The following PLD5 variants were observed in gnomAD, a reference collection of about 807,000 sequenced individuals.
PLD5 encodes inactive phospholipase D5.
PLD5 carries 36 observed loss-of-function variants against 61.1 expected under a neutral mutation model. The observed-to-expected ratio is 0.59, with a 90% CI of 0.45 to 0.78. PLD5 has a LOEUF of 0.78. PLD5 is among the 30% of genes least tolerant of loss of function. PLD5 has a pLI of 0.00. For synonymous variants in PLD5, 243 were observed against 242.8 expected (o/e 1.00, Z -0.01); for missense variants, 515 against 644.4 (o/e 0.80, Z 2.17).
chr1:242,143,035 T>C (rs1244428381), intron 5 of PLD5, among the ~76,000 whole-genome samples: 1 of 149,166 alleles, frequency 6.7e-6, no homozygotes, highest in Non-Finnish European at 1.5e-5. Flanking sequence ...TTTTTTTCTC[T>C]CTCTCTTTTT....
chr1:242,291,843 G>C (rs559751014), intron 2 of PLD5, among the ~76,000 whole-genome samples: 1 of 152,042 alleles, frequency 6.6e-6, no homozygotes, highest in South Asian at 2.1e-4. Context: ...ACCTGACAAA[G>C]AACAGGGGAA....
At chr1:242,215,043 A>ATTTTTTTT (rs34759131) in intron 5 of PLD5, among the ~76,000 whole-genome samples, 1 of 120,614 alleles carries the variant, frequency 8.3e-6, no homozygotes. Context: ...TGCCTGGCCA[A>ATTTTTTTT]TTTTTTTTTT....
intron 1 of PLD5, among the ~76,000 whole-genome samples, chr1:242,409,590 A>G (rs1664429733): frequency 6.6e-6 from 1 of 152,174 alleles, no homozygotes; most frequent in East Asian, 1.9e-4. Context: ...GCAAGAAAGA[A>G]GGAAGAAGCT....
chr1:242,124,839 A>G (rs1435302871), intron 5 of PLD5, among the ~76,000 whole-genome samples, 174 bp from the exon 6 acceptor site: 1 of 152,244 alleles, frequency 6.6e-6, no homozygotes, highest in African/African-American at 2.4e-5. Context: ...AAAATGCTAA[A>G]TATTTAAGTA....
At chr1:242,107,575 A>G in intron 8 of PLD5, 96 bp downstream of exon 8, 1 of 1,196,946 alleles carries the variant, frequency 8.4e-7, no homozygotes, top group Non-Finnish European at 1.1e-6. Context: ...CCTGGTTCTT[A>G]CTGGAACTTT....
intron 1 of PLD5, among the ~76,000 whole-genome samples, chr1:242,454,958 G>A (rs1666901466): frequency 6.6e-6 from 1 of 152,124 alleles, no homozygotes; most frequent in Non-Finnish European, 1.5e-5. Context: ...TTTTACCACA[G>A]GAGGGAGCCC....
intron 3 of PLD5, 93 bp from the exon 4 acceptor site, chr1:242,265,541 T>C: frequency 9.1e-7 from 1 of 1,095,116 alleles, no homozygotes; most frequent in South Asian, 1.7e-5. Context: ...ATTAATCTAT[T>C]CGTTCAAATG....
chr1:242,223,850 A>G (rs1670760985), intron 4 of PLD5, among the ~76,000 whole-genome samples: 1 of 103,878 alleles, frequency 9.6e-6, no homozygotes, highest in Non-Finnish European at 1.8e-5. Flanking sequence ...ATATATATAA[A>G]TAGAGAGAGA....
chr1:242,128,012 C>T (rs1662931280), intron 5 of PLD5, among the ~76,000 whole-genome samples: 1 of 152,142 alleles, frequency 6.6e-6, no homozygotes, highest in African/African-American at 2.4e-5. Context: ...GTCATTTGCT[C>T]ACACGTGGCA....
chr1:242,397,591 A>T (rs1403652676), intron 1 of PLD5, among the ~76,000 whole-genome samples: 1 of 152,078 alleles, frequency 6.6e-6, no homozygotes, highest in South Asian at 2.1e-4. Context: ...TTCAATAGGG[A>T]TAAGAGAAAA....
chr1:242,322,717 CTT>C (rs1407362835), intron 2 of PLD5, among the ~76,000 whole-genome samples: 2 of 152,186 alleles, frequency 1.3e-5, no homozygotes, highest in Non-Finnish European at 2.9e-5. Context: ...CTACTTCACT[CTT>C]TCTCTCCTGC....
intron 2 of PLD5, among the ~76,000 whole-genome samples, chr1:242,297,657 G>T (rs2149154048): frequency 7.8e-6 from 1 of 128,756 alleles, no homozygotes; most frequent in Non-Finnish European, 1.6e-5. Context: ...TTTTGAGATG[G>T]AGTCTCGCTC....
intron 1 of PLD5, among the ~76,000 whole-genome samples, chr1:242,501,399 T>C (rs187114669): frequency 6.6e-6 from 1 of 152,306 alleles, no homozygotes; most frequent in African/African-American, 2.4e-5. Context: ...TACAGAAATA[T>C]AATAAATCAT....
At chr1:242,494,907 G>A (rs557646081) in intron 1 of PLD5, among the ~76,000 whole-genome samples, 29 of 84,170 alleles carry the variant, frequency 3.4e-4, no homozygotes, top group Non-Finnish European at 5.4e-4. Context: ...GTTTTGTCCT[G>A]TGTCAGTTTT....
At chr1:242,394,939 ATATATATGAT>A (rs1663393233) in intron 1 of PLD5, among the ~76,000 whole-genome samples, 1 of 84,220 alleles carries the variant, frequency 1.2e-5, no homozygotes, top group Non-Finnish European at 2.7e-5. Context: ...CATTATATGA[ATATATATGAT>A]TATATATGAA....
intron 1 of PLD5, among the ~76,000 whole-genome samples, chr1:242,488,883 A>C (rs1187891670): frequency 3.3e-5 from 5 of 152,272 alleles, no homozygotes; most frequent in Admixed American, 3.3e-4. Context: ...ATTTTTCTGT[A>C]AACATAAAAC....
chr1:242,267,725 A>C (rs374086205), intron 3 of PLD5, among the ~76,000 whole-genome samples: 1 of 107,056 alleles, frequency 9.3e-6, no homozygotes, highest in East Asian at 2.5e-4. Flanking sequence ...ACAAAAAGTT[A>C]AAAAAAAAAA....
intron 5 of PLD5, among the ~76,000 whole-genome samples, chr1:242,208,175 C>T (rs944119259): frequency 4.0e-5 from 6 of 151,348 alleles, no homozygotes; most frequent in Admixed American, 2.7e-4. Context: ...GCACACACCA[C>T]CACACCCAGC....
At chr1:242,136,429 C>T (rs776929903) in intron 5 of PLD5, among the ~76,000 whole-genome samples, 34 of 152,166 alleles carry the variant, frequency 2.2e-4, no homozygotes, top group Admixed American at 1.1e-3. Flanking sequence ...TTTTAGTATT[C>T]ACCATACCCT....
Sources: gnomAD v4.1 joint callset for allele counts (sites outside exome capture counted in the v4.1 genomes callset) on GRCh38, gnomAD v4.1.1 for gene constraint, MANE v1.5 for transcripts, NCBI Gene and HGNC (gene_info 2026-07-23, HGNC 2026-07-21) for gene names.